ZC3H12B: variants seen among roughly 807,000 people sequenced by gnomAD.
ZC3H12B encodes the protein probable ribonuclease ZC3H12B.
A neutral mutation model predicts 43.9 loss-of-function variants in ZC3H12B; 7 were observed. That is an observed-to-expected ratio of 0.16 (90% confidence interval 0.09 to 0.30). The LOEUF (loss-of-function observed/expected upper bound fraction) is 0.30, where lower values mean the gene tolerates loss of function less well. ZC3H12B is among the 10% of genes least tolerant of loss of function. ZC3H12B has a pLI of 1.00. For synonymous variants in ZC3H12B, 222 were observed against 241.7 expected (o/e 0.92, Z 0.76); for missense variants, 475 against 670.2 (o/e 0.71, Z 3.22).
upstream of ZC3H12B, among the ~76,000 whole-genome samples, chrX:65,484,108 T>A (rs527862301): frequency 6.2e-5 from 7 of 112,268 alleles, no homozygotes; most frequent in South Asian, 1.9e-3. Context: ...TTTAGGTATG[T>A]ACACAGTAAT....
chrX:65,198,257 C>A, the ZC3H12B span, among the ~76,000 whole-genome samples: 5 of 112,312 alleles, frequency 4.5e-5, no homozygotes, highest in Non-Finnish European at 7.5e-5. Flanking sequence ...CGACTCAAGA[C>A]ATGAATAGTT....
At chrX:65,139,753 T>C in the ZC3H12B span, among the ~76,000 whole-genome samples, 4 of 111,916 alleles carry the variant, frequency 3.6e-5, no homozygotes, top group African/African-American at 1.3e-4. Flanking sequence ...TGTATCATTC[T>C]CAGTTTGTTA....
rs991630924 is a variant in ZC3H12B, at chrX:65,476,994, T to C, written n.408-11652T>C. On this transcript the variant is annotated intron_variant and non_coding_transcript_variant, in intron 3 of 5. Coordinates refer to the ZC3H12B transcript ENST00000617377. ...GCACCATCACTCCTGACTAATTTTT[T>C]TTTTTTTTTTTGTATTTTTTGTAGA... Among the ~76,000 whole-genome samples, 8 of 106,523 alleles carry C rather than the reference T, an allele frequency of 7.5e-5. No homozygotes were observed. In the East Asian group the frequency reaches 1.7e-3, roughly 23 times the overall value. 92.5% of individuals were successfully genotyped at this position (106,523 alleles called of 115,157 possible).
At chrX:65,183,442 A>G in the ZC3H12B span, among the ~76,000 whole-genome samples, 1 of 111,415 alleles carries the variant, frequency 9.0e-6, no homozygotes, top group African/African-American at 3.3e-5. Flanking sequence ...GTGAGGATCG[A>G]AAAACTACTT....
At chrX:65,243,186 A>G in the ZC3H12B span, among the ~76,000 whole-genome samples, 2 of 112,103 alleles carry the variant, frequency 1.8e-5, no homozygotes, top group Non-Finnish European at 3.8e-5. Flanking sequence ...AACTGAAGAG[A>G]TAAAACAGAA....
At chrX:65,107,591 A>G in the ZC3H12B span, among the ~76,000 whole-genome samples, 1 of 111,307 alleles carries the variant, frequency 9.0e-6, no homozygotes, top group African/African-American at 3.3e-5. Flanking sequence ...TGTAGTTCCC[A>G]TATCCCCATG....
intron 2 of ZC3H12B, among the ~76,000 whole-genome samples, chrX:65,390,837 C>G (rs1181469798): frequency 8.9e-6 from 1 of 111,994 alleles, no homozygotes; most frequent in African/African-American, 3.2e-5. Context: ...AGAAGCAAGT[C>G]TTAAAGTATT....
chrX:65,460,773 C>T (rs1188398573), intron 3 of ZC3H12B, among the ~76,000 whole-genome samples: 3 of 111,545 alleles, frequency 2.7e-5, no homozygotes, highest in Non-Finnish European at 5.6e-5. Flanking sequence ...AAAACCTAGG[C>T]AATACCATTC....
At chrX:65,163,110 C>G in the ZC3H12B span, among the ~76,000 whole-genome samples, 1 of 110,897 alleles carries the variant, frequency 9.0e-6, no homozygotes, top group Non-Finnish European at 1.9e-5. Context: ...ATGCTGCTGT[C>G]TGATCGTTCC....
chrX:65,377,657 CA>C (rs200825985), intron 2 of ZC3H12B, among the ~76,000 whole-genome samples: 2 of 109,216 alleles, frequency 1.8e-5, no homozygotes, highest in South Asian at 3.8e-4. Context: ...AATGGTTAAC[CA>C]AAAAAAAATT....
the ZC3H12B span, among the ~76,000 whole-genome samples, chrX:65,138,662 A>G: frequency 8.9e-6 from 1 of 112,091 alleles, no homozygotes; most frequent in Non-Finnish European, 1.9e-5. Context: ...AAGAACCTCC[A>G]TACAGTTTTT....
the ZC3H12B span, among the ~76,000 whole-genome samples, chrX:65,194,121 C>T: frequency 9.1e-6 from 1 of 109,493 alleles, no homozygotes; most frequent in African/African-American, 3.3e-5. Context: ...CAACCTCCAA[C>T]ACTGGGAATT....
At chrX:65,231,496 G>A in the ZC3H12B span, among the ~76,000 whole-genome samples, 37 of 110,653 alleles carry the variant, frequency 3.3e-4, no homozygotes, top group African/African-American at 9.2e-4. Context: ...TATCTTAACC[G>A]CGTATCTCAA....
the ZC3H12B span, among the ~76,000 whole-genome samples, chrX:65,206,389 G>A: frequency 3.6e-5 from 4 of 111,770 alleles, no homozygotes; most frequent in South Asian, 1.5e-3. Flanking sequence ...CTTTGACAAA[G>A]CAACAAAAAC....
At chrX:65,162,586 C>T in the ZC3H12B span, among the ~76,000 whole-genome samples, 4 of 112,072 alleles carry the variant, frequency 3.6e-5, no homozygotes, top group African/African-American at 9.7e-5. Flanking sequence ...GCATTCTTCA[C>T]GTAGTTCTCG....
At chrX:65,150,969 T>C in the ZC3H12B span, among the ~76,000 whole-genome samples, 1 of 111,962 alleles carries the variant, frequency 8.9e-6, no homozygotes, top group Middle Eastern at 4.6e-3. Context: ...TTTATTCTGA[T>C]CTCTCTGGAG....
intron 3 of ZC3H12B, among the ~76,000 whole-genome samples, chrX:65,456,363 A>G: frequency 9.3e-6 from 1 of 107,275 alleles, no homozygotes; most frequent in Non-Finnish European, 1.9e-5. Context: ...ACCAACAAAG[A>G]TCAAAAGAGA....
intron 3 of ZC3H12B, among the ~76,000 whole-genome samples, chrX:65,446,353 G>A (rs1310182144): frequency 1.8e-5 from 2 of 111,881 alleles, no homozygotes; most frequent in Non-Finnish European, 3.8e-5. Flanking sequence ...GTTCCCGCTG[G>A]TGTCTTACTG....
At chrX:65,352,248 T>C in the ZC3H12B span, among the ~76,000 whole-genome samples, 1 of 111,543 alleles carries the variant, frequency 9.0e-6, no homozygotes, top group African/African-American at 3.3e-5. Flanking sequence ...TTCTCATTCA[T>C]AAGTGGGAGT....
Sources: allele counts gnomAD v4.1 joint callset (sites outside exome capture counted in the v4.1 genomes callset), GRCh38; gene constraint gnomAD v4.1.1; transcripts MANE v1.5; gene names NCBI Gene and HGNC (gene_info 2026-07-23, HGNC 2026-07-21).